COL19A1: variants seen among roughly 807,000 people sequenced by gnomAD.
The protein encoded by COL19A1 is collagen alpha-1(XIX) chain.
In COL19A1, 159 loss-of-function variants were observed where a neutral mutation model predicts 190.2. That is an observed-to-expected ratio of 0.84 (90% CI 0.73 to 0.95). The LOEUF (loss-of-function observed/expected upper bound fraction) is 0.95. COL19A1 is among the 40% of genes least tolerant of loss of function. The probability of loss-of-function intolerance (pLI) is 0.00; values close to 1 mark genes in which losing one functional copy is unlikely to be tolerated. For missense variants in COL19A1, 1,418 were observed against 1,431.9 expected (o/e 0.99, Z 0.16); for synonymous variants, 509 against 458.9 (o/e 1.11, Z -1.39).
intron 9 of COL19A1, among the ~76,000 whole-genome samples, chr6:69,951,937 C>T (rs1417903130): frequency 1.3e-5 from 2 of 151,882 alleles, no homozygotes; most frequent in Non-Finnish European, 1.5e-5. Flanking sequence ...ATCTGGACAG[C>T]TCCTCAAATA....
intron 4 of COL19A1, among the ~76,000 whole-genome samples, chr6:69,921,681 TATTC>T (rs1771957813): frequency 6.8e-6 from 1 of 147,616 alleles, no homozygotes; most frequent in Non-Finnish European, 1.5e-5. Flanking sequence ...GATTCGTATA[TATTC>T]GTATGTAGAT....
At chr6:70,056,912 T>C (rs1222719648) in intron 14 of COL19A1, among the ~76,000 whole-genome samples, 2 of 151,826 alleles carry the variant, frequency 1.3e-5, no homozygotes, top group African/African-American at 2.4e-5. Context: ...CCTAGGTCTT[T>C]CATGTAGTAT....
intron 14 of COL19A1, among the ~76,000 whole-genome samples, chr6:70,060,394 C>CG (rs929263735): frequency 2.6e-5 from 4 of 152,036 alleles, no homozygotes; most frequent in African/African-American, 9.7e-5. Flanking sequence ...CCCCAACCCC[C>CG]GGGAAAAGGA....
chr6:69,885,940 T>A (rs936660212), intron 2 of COL19A1, among the ~76,000 whole-genome samples: 1 of 152,156 alleles, frequency 6.6e-6, no homozygotes, highest in Non-Finnish European at 1.5e-5. Flanking sequence ...TTTTTGGATA[T>A]CACATGAAAA....
At chr6:69,963,265 C>G (rs1296865301) in intron 11 of COL19A1, among the ~76,000 whole-genome samples, 2 of 152,104 alleles carry the variant, frequency 1.3e-5, no homozygotes, top group Admixed American at 1.3e-4. Context: ...ATAAGAACAA[C>G]TAACTGTAAA....
chr6:70,098,991 G>A (rs1364907293), intron 15 of COL19A1, among the ~76,000 whole-genome samples: 1 of 145,728 alleles, frequency 6.9e-6, no homozygotes, highest in Non-Finnish European at 1.5e-5. Context: ...GGAGGCCAGA[G>A]CCGGAGAATC....
rs749688942 is a variant in COL19A1 at position 70,199,681 on chromosome 6, T to C, written c.3168T>C (p.Pro1056=). 9.3e-6 allele frequency: 15 copies of C among 1,610,070 alleles called. No homozygotes were observed. Among genetic ancestry groups the C allele is most frequent in the Non-Finnish European group, 1.3e-5 (15 of 1,177,642 alleles). Residue 1056 remains proline, a synonymous_variant, in exon 49 of 51, where the codon CCT becomes CCC. Coordinates refer to ENST00000620364, the MANE Select transcript of COL19A1 (RefSeq NM_001858.6). The part of the protein sequence containing the change: ...AMLAAQAYGR[P]GPPGKDGLPG... ...TGGCTGCCCAAGCTTATGGGAGACC[T>C]GGGCCACCAGGGAAGGATGGGTTGC...
chr6:69,883,192 G>A (rs999458705), intron 2 of COL19A1, among the ~76,000 whole-genome samples: 4 of 152,188 alleles, frequency 2.6e-5, no homozygotes, highest in Non-Finnish European at 5.9e-5. Context: ...TGGGGGACTG[G>A]AGCCAAGTGA....
chr6:70,144,179 T>C (rs754455731), intron 23 of COL19A1, 31 bp from the exon 24 acceptor site: 6 of 1,582,592 alleles, frequency 3.8e-6, no homozygotes, highest in Non-Finnish European at 4.3e-6. Context: ...ATGTTCTCAT[T>C]ACTCTTTCCT....
At chr6:69,884,351 A>C (rs1768769142) in intron 2 of COL19A1, among the ~76,000 whole-genome samples, 1 of 152,130 alleles carries the variant, frequency 6.6e-6, no homozygotes, top group Admixed American at 6.6e-5. Context: ...AAAAAAAAAA[A>C]AAAAGTATCA....
intron 16 of COL19A1, among the ~76,000 whole-genome samples, chr6:70,111,971 G>C (rs1339585678): frequency 6.6e-6 from 1 of 152,192 alleles, no homozygotes; most frequent in Admixed American, 6.5e-5. Flanking sequence ...GTTATCTTAA[G>C]TCCCAGCAGT....
chr6:69,906,617 G>A (rs532933931), intron 4 of COL19A1, among the ~76,000 whole-genome samples: 7 of 152,250 alleles, frequency 4.6e-5, no homozygotes, highest in African/African-American at 1.4e-4. Flanking sequence ...AATTTAATAC[G>A]ATTTATGAGC....
chr6:70,141,050 T>C (rs368850605), intron 20 of COL19A1, 61 bp downstream of exon 20: 92 of 1,461,872 alleles, frequency 6.3e-5, no homozygotes, highest in Non-Finnish European at 8.4e-5. Flanking sequence ...TTCTCTCTGA[T>C]TTTCTGGTAT....
chr6:69,944,223 C>T (rs1773647477), intron 9 of COL19A1, among the ~76,000 whole-genome samples: 1 of 152,134 alleles, frequency 6.6e-6, no homozygotes, highest in South Asian at 2.1e-4. Context: ...CTTACTCCCA[C>T]CTCTATCCTC....
intron 47 of COL19A1, among the ~76,000 whole-genome samples, chr6:70,188,758 AAGGAAGCCCATATC>A (rs1456330736): frequency 6.6e-6 from 1 of 152,228 alleles, no homozygotes; most frequent in Non-Finnish European, 1.5e-5. Context: ...GTGTTTAGTA[AAGGAAGCCCATATC>A]TTTATTAATC....
At chr6:69,897,875 A>G (rs991811682) in intron 2 of COL19A1, among the ~76,000 whole-genome samples, 2 of 152,098 alleles carry the variant, frequency 1.3e-5, no homozygotes, top group Admixed American at 6.5e-5. Context: ...TGTTTTTTGC[A>G]GTATATTTGC....
intron 4 of COL19A1, among the ~76,000 whole-genome samples, chr6:69,910,205 A>G (rs759997168): frequency 3.3e-5 from 5 of 152,196 alleles, no homozygotes; most frequent in Non-Finnish European, 5.9e-5. Flanking sequence ...AACAAGGCAC[A>G]TGTGACTACC....
chr6:69,893,344 C>T (rs1217238674), intron 2 of COL19A1, among the ~76,000 whole-genome samples: 1 of 152,128 alleles, frequency 6.6e-6, no homozygotes, highest in Admixed American at 6.5e-5. Context: ...AATAGGACAA[C>T]AATTGTCTGT....
intron 11 of COL19A1, among the ~76,000 whole-genome samples, chr6:69,966,732 C>A (rs1215567121): frequency 6.6e-6 from 1 of 151,424 alleles, no homozygotes; most frequent in Non-Finnish European, 1.5e-5. Context: ...CCCGCCAAAT[C>A]CCCCTCTCTG....
Sources: allele counts gnomAD v4.1 joint callset (sites outside exome capture counted in the v4.1 genomes callset), GRCh38; gene constraint gnomAD v4.1.1; transcripts MANE v1.5; gene names NCBI Gene and HGNC (gene_info 2026-07-23, HGNC 2026-07-21).